IQCJ: variants seen among roughly 807,000 people sequenced by gnomAD.
IQCJ encodes IQ motif containing J.
In IQCJ, 9 loss-of-function variants were observed where a neutral mutation model predicts 11.0. That is an observed-to-expected ratio of 0.82 (90% CI 0.49 to 1.43). The LOEUF (loss-of-function observed/expected upper bound fraction) is 1.43. Among genes scored for constraint, IQCJ ranks in the 40% most tolerant of loss-of-function variants. The pLI is 0.00. For missense variants in IQCJ, 146 were observed against 133.2 expected (o/e 1.10, Z -0.47); for synonymous variants, 55 against 51.3 (o/e 1.07, Z -0.31).
At chr3:159,259,969 A>G (rs1728109247) in intron 3 of IQCJ, among the ~76,000 whole-genome samples, 1 of 152,274 alleles carries the variant, frequency 6.6e-6, no homozygotes. Context: ...ACAAAAAAAC[A>G]GCTCCTGTAT....
At chr3:159,225,389 AG>A (rs1207156607) in intron 1 of IQCJ, among the ~76,000 whole-genome samples, 3 of 152,098 alleles carry the variant, frequency 2.0e-5, no homozygotes, top group African/African-American at 7.2e-5. Flanking sequence ...TTGGGAAAGG[AG>A]GGGTGGTTAT....
chr3:159,140,170 A>G (rs1484359274), intron 1 of IQCJ, among the ~76,000 whole-genome samples: 1 of 152,194 alleles, frequency 6.6e-6, no homozygotes, highest in Admixed American at 6.5e-5. Context: ...CACAAAGTCC[A>G]TAGTTTACAT....
intron 1 of IQCJ, among the ~76,000 whole-genome samples, chr3:159,170,914 C>G (rs1443823983): frequency 6.6e-6 from 1 of 152,120 alleles, no homozygotes; most frequent in African/African-American, 2.4e-5. Flanking sequence ...AATTAAGGAG[C>G]AATATTTTCT....
intron 1 of IQCJ, among the ~76,000 whole-genome samples, chr3:159,218,612 C>T (rs925592480): frequency 6.6e-6 from 1 of 152,006 alleles, no homozygotes; most frequent in South Asian, 2.1e-4. Flanking sequence ...GTGACCAGGG[C>T]TGGGGAAGAT....
chr3:159,202,789 C>T (rs1040451674), intron 1 of IQCJ, among the ~76,000 whole-genome samples: 4 of 152,130 alleles, frequency 2.6e-5, no homozygotes, highest in African/African-American at 9.7e-5. Context: ...AGGAGTGAGC[C>T]ACCGTGCCCA....
intron 1 of IQCJ, among the ~76,000 whole-genome samples, chr3:159,199,849 C>G (rs1216971024): frequency 6.6e-6 from 1 of 151,862 alleles, no homozygotes; most frequent in East Asian, 1.9e-4. Context: ...CCAAGACCCA[C>G]AGGAGCAGCA....
chr3:159,162,799 A>C (rs528952541), intron 1 of IQCJ, among the ~76,000 whole-genome samples: 9 of 152,232 alleles, frequency 5.9e-5, no homozygotes, highest in African/African-American at 2.2e-4. Flanking sequence ...AAACACCTCT[A>C]TGCAAATAAA....
chr3:159,263,826 C>A, downstream of IQCJ: 2 of 984,276 alleles, frequency 2.0e-6, no homozygotes, highest in Non-Finnish European at 2.4e-6. Context: ...GCAGAAGATC[C>A]ATTTTTAATT....
At chr3:159,205,895 C>T (rs1195843240) in intron 1 of IQCJ, among the ~76,000 whole-genome samples, 1 of 152,184 alleles carries the variant, frequency 6.6e-6, no homozygotes, top group Non-Finnish European at 1.5e-5. Flanking sequence ...TTCTGTTCTT[C>T]TTTTCAGTGT....
At chr3:159,202,125 G>A (rs933457831) in intron 1 of IQCJ, among the ~76,000 whole-genome samples, 1 of 152,108 alleles carries the variant, frequency 6.6e-6, no homozygotes. Context: ...GTACATGTAT[G>A]TATATATTAT....
At chr3:159,127,053 G>A (rs748800539) in intron 1 of IQCJ, among the ~76,000 whole-genome samples, 9 of 152,230 alleles carry the variant, frequency 5.9e-5, no homozygotes, top group Non-Finnish European at 1.0e-4. Context: ...AGATTAGGGA[G>A]CACAGAGGTG....
At chr3:159,238,274 G>A (rs1726711390) in intron 1 of IQCJ, among the ~76,000 whole-genome samples, 1 of 152,154 alleles carries the variant, frequency 6.6e-6, no homozygotes, top group Admixed American at 6.5e-5. Context: ...GCTCATGCCA[G>A]TGCCTCCCTC....
chr3:159,089,825 A>AT, intron 1 of IQCJ, among the ~76,000 whole-genome samples: 1 of 151,170 alleles, frequency 6.6e-6, no homozygotes, highest in South Asian at 2.1e-4. Flanking sequence ...ATTCTTCTAA[A>AT]TTTTTTTCAA....
chr3:159,104,768 C>G (rs1718147636), intron 1 of IQCJ, among the ~76,000 whole-genome samples: 1 of 152,186 alleles, frequency 6.6e-6, no homozygotes, highest in African/African-American at 2.4e-5. Flanking sequence ...TATTATACAT[C>G]CTTAGATTTC....
intron 1 of IQCJ, among the ~76,000 whole-genome samples, chr3:159,121,719 G>A (rs1350836233): frequency 1.3e-5 from 2 of 152,126 alleles, no homozygotes; most frequent in South Asian, 2.1e-4. Flanking sequence ...ACACATTTTC[G>A]AAGTAAACAT....
At chr3:159,196,337 A>T (rs541058179) in intron 1 of IQCJ, among the ~76,000 whole-genome samples, 3 of 152,234 alleles carry the variant, frequency 2.0e-5, no homozygotes, top group African/African-American at 7.2e-5. Context: ...GATGGAGCCC[A>T]TTTTAAAATA....
chr3:159,152,033 G>A (rs573304032), intron 1 of IQCJ, among the ~76,000 whole-genome samples: 51 of 152,284 alleles, frequency 3.3e-4, no homozygotes, highest in African/African-American at 1.2e-3. Flanking sequence ...CTAATTTCTA[G>A]GTTTGTGATC....
At chr3:159,087,173 A>C (rs1191909367) in intron 1 of IQCJ, among the ~76,000 whole-genome samples, 3 of 152,202 alleles carry the variant, frequency 2.0e-5, no homozygotes, top group Admixed American at 2.0e-4. Flanking sequence ...CTATTGAGAT[A>C]ATCGTGTGGT....
intron 3 of IQCJ, among the ~76,000 whole-genome samples, chr3:159,259,446 T>G (rs1728082761): frequency 1.3e-5 from 2 of 152,146 alleles, no homozygotes. Context: ...TAGTGGGTAA[T>G]TTACTCTGTA....
Sources: gnomAD v4.1 joint callset for allele counts (sites outside exome capture counted in the v4.1 genomes callset) on GRCh38, gnomAD v4.1.1 for gene constraint, MANE v1.5 for transcripts, NCBI Gene and HGNC (gene_info 2026-07-23, HGNC 2026-07-21) for gene names.